ARHGAP25: variants seen among roughly 807,000 people sequenced by gnomAD.
ARHGAP25 encodes rho GTPase-activating protein 25.
Under a neutral mutation model 71.0 loss-of-function variants are expected in ARHGAP25, and 34 were observed. The ratio of observed to expected loss-of-function variants is 0.48; its 90% CI spans 0.36 to 0.64. The LOEUF (loss-of-function observed/expected upper bound fraction) is 0.64, where lower values mean the gene tolerates loss of function less well. Among genes scored for constraint, ARHGAP25 ranks in the 30% least tolerant of loss-of-function variants. The pLI is 0.00. For missense variants in ARHGAP25, 706 were observed against 805.1 expected (o/e 0.88, Z 1.49); for synonymous variants, 282 against 296.5 (o/e 0.95, Z 0.50).
Position 68,810,731 on chromosome 2 carries a change from C to CTTTTTTTT in ARHGAP25, c.675-2542_675-2535dup, listed in dbSNP as rs539849992. Among the ~76,000 whole-genome samples the CTTTTTTTT allele has an allele frequency of 1.2e-3, 88 of 74,290 alleles. 8 individuals carry two copies. Among genetic ancestry groups the CTTTTTTTT allele is most frequent in the Non-Finnish European group, 1.4e-3 (57 of 39,870 alleles). 48.7% of individuals were successfully genotyped at this position (74,290 alleles called of 152,430 possible). A position where few individuals can be genotyped will look rare whatever the true frequency, so the allele number is the denominator to read the frequency against. On this transcript the variant is annotated intron_variant, in intron 5 of 10. Coordinates refer to ENST00000409202, the MANE Select transcript of ARHGAP25 (RefSeq NM_001007231.3). ...GATCCAATTTCTTTTCTTTTCTTCTCTTTTTTTTTTTTTTTTTTTTTGAGA... is the reference window on the plus strand; with the variant it reads ...GATCCAATTTCTTTTCTTTTCTTCTCTTTTTTTTTTTTTTTTTTTTTTTTTTTTTGAGA...
chr2:68,712,396 T>G (rs745567795), intron 2 of ARHGAP25, among the ~76,000 whole-genome samples: 1 of 152,220 alleles, frequency 6.6e-6, no homozygotes, highest in Non-Finnish European at 1.5e-5. Context: ...TTCTTGTATA[T>G]TTTGGATATT....
chr2:68,734,308 T>G (rs1384563633), upstream of ARHGAP25, among the ~76,000 whole-genome samples: 2 of 152,178 alleles, frequency 1.3e-5, no homozygotes, highest in Admixed American at 6.5e-5. Context: ...ACCCTGATTC[T>G]AAAGCCCACA....
rs1361608104 is a variant in ARHGAP25, at chr2:68,826,554, T to G, written c.*360T>G. On this transcript the variant is annotated 3_prime_UTR_variant, in exon 11 of 11. Transcript: ENST00000409202. ...GGTGTGATTAATTCTTTGTTTTTTG[T>G]GTGGAACAGCTCACCTTGTCAGACA... 8.1e-6 allele frequency: 3 copies of G among 368,186 alleles called. No individual in the cohort carries two copies. Among genetic ancestry groups the G allele is most frequent in the Non-Finnish European group, 1.6e-5 (3 of 190,206 alleles). The allele number at this position is 368,186 out of a possible 1,614,324, so 22.8% of individuals were successfully genotyped here. A position where few individuals can be genotyped will look rare whatever the true frequency, so the allele number is the denominator to read the frequency against.
chr2:68,804,148 A>G (rs1214744988), intron 4 of ARHGAP25, among the ~76,000 whole-genome samples: 1 of 152,186 alleles, frequency 6.6e-6, no homozygotes, highest in Admixed American at 6.5e-5. Context: ...AAGCTAGAGA[A>G]CTAGACATAT....
intron 4 of ARHGAP25, among the ~76,000 whole-genome samples, chr2:68,793,866 G>C (rs115816330): frequency 6.6e-6 from 1 of 152,042 alleles, no homozygotes; most frequent in African/African-American, 2.4e-5. Context: ...GCTTTGGGTA[G>C]TATGATTATT....
upstream of ARHGAP25, among the ~76,000 whole-genome samples, chr2:68,732,878 C>T (rs186966948): frequency 6.6e-6 from 1 of 152,200 alleles, no homozygotes; most frequent in Admixed American, 6.5e-5. Context: ...CCTTCAGCCT[C>T]GTTCTCTGGA....
chr2:68,787,867 A>G lies in ARHGAP25; in HGVS notation c.377A>G (p.Gln126Arg). 1 of 1,614,216 alleles carries G rather than the reference A, an allele frequency of 6.2e-7. No individual in the cohort carries two copies. Among genetic ancestry groups the G allele is most frequent in the Non-Finnish European group, 8.5e-7 (1 of 1,180,018 alleles). Reference sequence around the variant, plus strand: ...TCATGGGACCAGAATCGCATGGGACAGGACTCCTATGTCCTCATGGCCAGC... The same window carrying G: ...TCATGGGACCAGAATCGCATGGGACGGGACTCCTATGTCCTCATGGCCAGC... ...PASWDQNRMG[Q>R]DSYVLMASSQ... The change falls in exon 4 of 11, where the codon CAG (glutamine) becomes CGG (arginine). Residue 126 changes from glutamine (Q) to arginine (R), a missense_variant. Gln to Arg is a conservative substitution (Grantham distance 43). Coordinates refer to ENST00000409202, the MANE Select transcript of ARHGAP25 (RefSeq NM_001007231.3).
chr2:68,800,311 G>T (rs1008234836), intron 4 of ARHGAP25, among the ~76,000 whole-genome samples: 3 of 152,092 alleles, frequency 2.0e-5, no homozygotes, highest in Non-Finnish European at 2.9e-5. Context: ...AGGTAGGGAG[G>T]GAGGTGACAG....
At chr2:68,753,491 G>T (rs1156688893) in intron 1 of ARHGAP25, among the ~76,000 whole-genome samples, 1 of 152,178 alleles carries the variant, frequency 6.6e-6, no homozygotes, top group Non-Finnish European at 1.5e-5. Flanking sequence ...ATGTGGGTGG[G>T]GATCATGGTA....
chr2:68,748,140 C>T (rs1675948383), intron 1 of ARHGAP25, among the ~76,000 whole-genome samples: 1 of 152,170 alleles, frequency 6.6e-6, no homozygotes, highest in African/African-American at 2.4e-5. Context: ...TCCTCTGCTC[C>T]TCCCACACTG....
At chr2:68,772,901 G>A (rs1677579038) in intron 1 of ARHGAP25, among the ~76,000 whole-genome samples, 1 of 152,222 alleles carries the variant, frequency 6.6e-6, no homozygotes. Context: ...CTACCAAATT[G>A]TCATCAAAAT....
intron 4 of ARHGAP25, among the ~76,000 whole-genome samples, chr2:68,793,579 G>C (rs367640505): frequency 5.7e-4 from 87 of 152,178 alleles, no homozygotes; most frequent in African/African-American, 2.0e-3. Flanking sequence ...AAGATCAGTT[G>C]ACTATAAATA....
At chr2:68,766,896 A>G (rs1406421611) in intron 1 of ARHGAP25, among the ~76,000 whole-genome samples, 1 of 152,142 alleles carries the variant, frequency 6.6e-6, no homozygotes, top group Non-Finnish European at 1.5e-5. Flanking sequence ...TGCAGAACAC[A>G]TAGTTATTGG....
intron 2 of ARHGAP25, among the ~76,000 whole-genome samples, chr2:68,727,300 CT>C (rs1052950325): frequency 6.6e-6 from 1 of 152,174 alleles, no homozygotes; most frequent in Admixed American, 6.5e-5. Context: ...TTCAGGCCAT[CT>C]TTTTTTCCCC....
At chr2:68,788,960 TCATCTACTGTTTA>T (rs1191285802) in intron 4 of ARHGAP25, among the ~76,000 whole-genome samples, 5 of 152,092 alleles carry the variant, frequency 3.3e-5, no homozygotes, top group Non-Finnish European at 7.4e-5. Context: ...TGTTTATCTT[TCATCTACTGTTTA>T]CATCTACACA....
intron 4 of ARHGAP25, among the ~76,000 whole-genome samples, chr2:68,797,822 A>G (rs933027239): frequency 2.6e-5 from 4 of 152,216 alleles, no homozygotes; most frequent in African/African-American, 9.7e-5. Context: ...GTGCTCTCCT[A>G]CGGCCTGGAT....
intron 2 of ARHGAP25, among the ~76,000 whole-genome samples, chr2:68,713,040 G>A (rs1674524696): frequency 6.6e-6 from 1 of 152,080 alleles, no homozygotes; most frequent in Non-Finnish European, 1.5e-5. Flanking sequence ...TTCTAATTCT[G>A]TGAAGAAAGG....
At chr2:68,771,009 CCACGAAA>C (rs148223417) in intron 1 of ARHGAP25, among the ~76,000 whole-genome samples, 4,574 of 152,244 alleles carry the variant, frequency 0.03, 231 homozygotes, top group African/African-American at 0.1. Flanking sequence ...AGTACTGTAG[CCACGAAA>C]CACACAGGCT....
rs781638616 is a variant in ARHGAP25 at position 68,826,295 on chromosome 2, G to A, written c.*101G>A. The A allele has an allele frequency of 1.3e-5, 15 of 1,116,498 alleles. No individual in the cohort carries two copies. In the Admixed American group the frequency reaches 2.4e-4, roughly 18 times the overall value. 69.2% of individuals were successfully genotyped at this position (1,116,498 alleles called of 1,614,324 possible). On this transcript the variant is annotated 3_prime_UTR_variant, in exon 11 of 11. Transcript: ENST00000409202. ...GGGAAACAAAATTATTCTCTGAGAG[G>A]GAAAGGACATTTGAGGGAAACATCA... is the stretch of plus-strand genomic sequence containing the variant.
Sources: allele counts gnomAD v4.1 joint callset (sites outside exome capture counted in the v4.1 genomes callset), GRCh38; gene constraint gnomAD v4.1.1; transcripts MANE v1.5; gene names NCBI Gene and HGNC (gene_info 2026-07-23, HGNC 2026-07-21).